The following TMEM135 variants were observed in gnomAD, a reference collection of about 807,000 sequenced individuals.
TMEM135 encodes the protein transmembrane protein 135, also known as peroxisomal membrane protein 52.
TMEM135 carries 30 observed loss-of-function variants against 60.3 expected under a neutral mutation model. The ratio of observed to expected loss-of-function variants is 0.50; its 90% CI spans 0.37 to 0.68. The LOEUF (loss-of-function observed/expected upper bound fraction) is 0.68. Among genes scored for constraint, TMEM135 ranks in the 30% least tolerant of loss-of-function variants. The probability of loss-of-function intolerance (pLI) is 0.00; values close to 1 mark genes in which losing one functional copy is unlikely to be tolerated. For missense variants in TMEM135, 468 were observed against 548.8 expected (o/e 0.85, Z 1.47); for synonymous variants, 190 against 186.7 (o/e 1.02, Z -0.14).
chr11:87,309,804 A>C, intron 10 of TMEM135, 132 bp downstream of exon 10: 1 of 950,632 alleles, frequency 1.1e-6, no homozygotes, highest in Non-Finnish European at 1.6e-6. Context: ...TGACATAACC[A>C]AATCTATACA....
intron 6 of TMEM135, among the ~76,000 whole-genome samples, chr11:87,261,276 A>G (rs965765568): frequency 1.3e-5 from 2 of 152,118 alleles, no homozygotes; most frequent in African/African-American, 2.4e-5. Context: ...TTCCTTATGT[A>G]TATTTTGCCA....
intron 5 of TMEM135, among the ~76,000 whole-genome samples, chr11:87,165,624 C>T (rs1170913043): frequency 6.6e-6 from 1 of 150,894 alleles, no homozygotes; most frequent in Non-Finnish European, 1.5e-5. Context: ...GGTACCAGTT[C>T]CTCCTTGTAC....
chr11:87,044,280 A>G (rs2512371), intron 1 of TMEM135, among the ~76,000 whole-genome samples: 102,289 of 152,028 alleles, frequency 0.67, 35,853 homozygotes, highest in East Asian at 0.88. Flanking sequence ...ACTGATTGAA[A>G]AAATCAGTTC....
chr11:87,234,937 A>G (rs956016132), intron 5 of TMEM135, among the ~76,000 whole-genome samples: 6 of 151,974 alleles, frequency 3.9e-5, no homozygotes, highest in African/African-American at 1.2e-4. Flanking sequence ...TGTGTGAAAG[A>G]TTTGTGGGAT....
At chr11:87,318,481 T>C (rs1026305294) in intron 13 of TMEM135, among the ~76,000 whole-genome samples, 2 of 152,080 alleles carry the variant, frequency 1.3e-5, no homozygotes, top group African/African-American at 4.8e-5. Context: ...AGAGTACAAT[T>C]TATAAGTAAA....
intron 4 of TMEM135, among the ~76,000 whole-genome samples, chr11:87,121,891 A>G (rs569130473): frequency 2.4e-4 from 37 of 152,192 alleles, no homozygotes; most frequent in African/African-American, 8.9e-4. Flanking sequence ...GCGCTCGCCT[A>G]AGCCTCCCAA....
rs182792769 is a variant in TMEM135, at chr11:87,212,796, A to T, written c.463-23842A>T. Among the ~76,000 whole-genome samples the T allele has an allele frequency of 7.8e-4, 117 of 150,406 alleles. No homozygotes were observed. The East Asian group carries it at 0.021, about 27-fold the overall frequency. On this transcript the variant is annotated intron_variant, in intron 5 of 14. Transcript: ENST00000305494. ...TGGGATCATACCACTGCACTGCAACATGGGTGACAGAGTGAGACCTGATTT... is the reference window on the plus strand; with the variant it reads ...TGGGATCATACCACTGCACTGCAACTTGGGTGACAGAGTGAGACCTGATTT...
chr11:87,081,274 C>T (rs748246647), intron 3 of TMEM135, among the ~76,000 whole-genome samples: 2 of 150,374 alleles, frequency 1.3e-5, no homozygotes, highest in Non-Finnish European at 2.9e-5. Context: ...TTGTCTGTTC[C>T]TCCTTACTTC....
intron 6 of TMEM135, among the ~76,000 whole-genome samples, chr11:87,260,051 C>T (rs890005920): frequency 3.3e-5 from 5 of 152,106 alleles, no homozygotes; most frequent in African/African-American, 1.2e-4. Context: ...CTCAGCTGCT[C>T]TCAAATGCTT....
chr11:87,197,451 A>G (rs1336842251), intron 5 of TMEM135, among the ~76,000 whole-genome samples: 1 of 152,144 alleles, frequency 6.6e-6, no homozygotes, highest in Non-Finnish European at 1.5e-5. Context: ...AAATATTTGT[A>G]TATCAGAATC....
chr11:87,175,609 T>C (rs1351439703), intron 5 of TMEM135, among the ~76,000 whole-genome samples: 1 of 152,150 alleles, frequency 6.6e-6, no homozygotes, highest in Non-Finnish European at 1.5e-5. Flanking sequence ...ACAAACAACA[T>C]CTGTTTAAGT....
intron 5 of TMEM135, among the ~76,000 whole-genome samples, chr11:87,201,047 G>A (rs1940082945): frequency 6.6e-6 from 1 of 152,118 alleles, no homozygotes; most frequent in Admixed American, 6.6e-5. Context: ...GCTTATATAT[G>A]TTAGCACTCT....
At chr11:87,267,491 G>A (rs1941774197) in intron 6 of TMEM135, among the ~76,000 whole-genome samples, 1 of 152,016 alleles carries the variant, frequency 6.6e-6, no homozygotes, top group Non-Finnish European at 1.5e-5. Flanking sequence ...AAGTGTTTTT[G>A]TGAAAAAAAC....
chr11:87,260,511 C>T (rs994132112), intron 6 of TMEM135, among the ~76,000 whole-genome samples: 1 of 148,734 alleles, frequency 6.7e-6, no homozygotes, highest in Non-Finnish European at 1.5e-5. Context: ...ATTCCGGTCA[C>T]TTTCCTGAAT....
At chr11:87,161,128 G>A (rs1236084894) in intron 5 of TMEM135, among the ~76,000 whole-genome samples, 1 of 152,096 alleles carries the variant, frequency 6.6e-6, no homozygotes, top group Admixed American at 6.5e-5. Flanking sequence ...TCCATCTCTT[G>A]ACCTCGTGAT....
intron 5 of TMEM135, among the ~76,000 whole-genome samples, chr11:87,193,417 G>T (rs1658378482): frequency 6.6e-6 from 1 of 152,082 alleles, no homozygotes; most frequent in African/African-American, 2.4e-5. Context: ...CATTTTCCTT[G>T]TAATCTGCAA....
chr11:87,110,827 G>A (rs1466077734), intron 4 of TMEM135, among the ~76,000 whole-genome samples: 1 of 151,982 alleles, frequency 6.6e-6, no homozygotes, highest in Non-Finnish European at 1.5e-5. Flanking sequence ...ATAAAAAATT[G>A]CATACTTTTA....
intron 6 of TMEM135, among the ~76,000 whole-genome samples, chr11:87,259,782 A>C (rs1378323558): frequency 3.3e-5 from 5 of 152,234 alleles, no homozygotes; most frequent in Admixed American, 3.3e-4. Flanking sequence ...GTGAGCTAAT[A>C]GAAATGGGAG....
chr11:87,171,365 C>G (rs1462297485), intron 5 of TMEM135, among the ~76,000 whole-genome samples: 1 of 150,274 alleles, frequency 6.7e-6, no homozygotes, highest in African/African-American at 2.5e-5. Context: ...TCACATTTCC[C>G]TGAGAATTTG....
Sources: gnomAD v4.1 joint callset for allele counts (sites outside exome capture counted in the v4.1 genomes callset) on GRCh38, gnomAD v4.1.1 for gene constraint, MANE v1.5 for transcripts, NCBI Gene and HGNC (gene_info 2026-07-23, HGNC 2026-07-21) for gene names.